The following ZBTB20 variants were observed in gnomAD, a reference collection of about 807,000 sequenced individuals.
ZBTB20 encodes the protein zinc finger and BTB domain-containing protein 20.
ZBTB20 carries 9 observed loss-of-function variants against 56.9 expected under a neutral mutation model. The observed-to-expected ratio is 0.16, with a 90% CI of 0.10 to 0.28. The LOEUF is 0.28. Ranked by LOEUF, ZBTB20 falls within the 10% of genes least tolerant of loss-of-function variation. The probability of loss-of-function intolerance (pLI) is 1.00; values close to 1 mark genes in which losing one functional copy is unlikely to be tolerated. For missense variants in ZBTB20, 655 were observed against 1,003.0 expected, an observed-to-expected ratio of 0.65 and a Z score of 4.69; for synonymous variants, 417 against 420.7, an observed-to-expected ratio of 0.99 and a Z score of 0.11.
At chr3:115,112,277 C>T (rs1047821456) in intron 1 of ZBTB20, among the ~76,000 whole-genome samples, 4 of 151,900 alleles carry the variant, frequency 2.6e-5, no homozygotes, top group African/African-American at 9.7e-5. Flanking sequence ...TTTAGGTTAT[C>T]CATCACCCTG....
At chr3:114,779,472 G>A (rs1398050310) in intron 5 of ZBTB20, among the ~76,000 whole-genome samples, 1 of 152,126 alleles carries the variant, frequency 6.6e-6, no homozygotes, top group African/African-American at 2.4e-5. Context: ...AGAACTCACG[G>A]CACCGAAGAA....
chr3:114,787,890 C>T (rs1283201008), intron 5 of ZBTB20, among the ~76,000 whole-genome samples: 1 of 152,082 alleles, frequency 6.6e-6, no homozygotes, highest in African/African-American at 2.4e-5. Flanking sequence ...CATTAGTTGA[C>T]CAAAATGAGA....
chr3:115,111,197 A>C (rs1368613627), intron 1 of ZBTB20, among the ~76,000 whole-genome samples: 2 of 152,044 alleles, frequency 1.3e-5, no homozygotes, highest in Non-Finnish European at 2.9e-5. Flanking sequence ...AACACAAATA[A>C]TACTCCCAAC....
chr3:114,601,421 C>T (rs148966467), intron 6 of ZBTB20, among the ~76,000 whole-genome samples: 14 of 152,186 alleles, frequency 9.2e-5, no homozygotes, highest in African/African-American at 3.1e-4. Context: ...CTACTCAAAA[C>T]TATCTCTATT....
At chr3:114,978,039 A>C (rs999521363) in intron 2 of ZBTB20, among the ~76,000 whole-genome samples, 14 of 151,072 alleles carry the variant, frequency 9.3e-5, no homozygotes, top group African/African-American at 3.4e-4. Flanking sequence ...AGTGTAAGGC[A>C]GAAAACATCT....
chr3:114,625,287 A>G (rs1244105694), intron 6 of ZBTB20, among the ~76,000 whole-genome samples: 2 of 152,140 alleles, frequency 1.3e-5, no homozygotes, highest in Non-Finnish European at 2.9e-5. Flanking sequence ...ACAGTCAGAA[A>G]AAGAGGGCAC....
At chr3:115,083,494 C>A (rs535582386) in intron 1 of ZBTB20, among the ~76,000 whole-genome samples, 4 of 151,872 alleles carry the variant, frequency 2.6e-5, no homozygotes, top group Admixed American at 2.0e-4. Context: ...ATTACAATAC[C>A]TATGTTTGTA....
At chr3:114,961,253 G>A (rs1392865594) in intron 3 of ZBTB20, among the ~76,000 whole-genome samples, 1 of 151,214 alleles carries the variant, frequency 6.6e-6, no homozygotes, top group Non-Finnish European at 1.5e-5. Context: ...ATAAGCCCAG[G>A]AAAAGGATCT....
In ZBTB20 at chr3:114,625,173, G is replaced by A. The variant is rs545388539; in HGVS notation, c.-295+68355C>T. ...AAATACTGCAGGTCAAAATGAAAGC[G>A]CCTCATCAGCTCTGGGGTGAAGATT... On this transcript the variant is annotated intron_variant, in intron 6 of 11. Coordinates refer to ENST00000675478, the MANE Select transcript of ZBTB20 (RefSeq NM_001348800.3). 1.3e-4 allele frequency among the ~76,000 whole-genome samples: 19 copies of A among 151,962 alleles called. 1 individual carries two copies. In the South Asian group the frequency reaches 1.7e-3, roughly 13 times the overall value.
At chr3:115,076,254 T>A (rs1439940940) in intron 1 of ZBTB20, among the ~76,000 whole-genome samples, 1 of 152,188 alleles carries the variant, frequency 6.6e-6, no homozygotes, top group Non-Finnish European at 1.5e-5. Flanking sequence ...GCCAAATCGA[T>A]CTTGAGAAAG....
rs993386510 is a variant in ZBTB20 at position 114,332,281 on chromosome 3, C to T, written c.*6724G>A. On this transcript the variant is annotated 3_prime_UTR_variant, in exon 12 of 12. Transcript: ENST00000675478. Reference sequence around the variant, plus strand: ...GACTTGAAAGTTATGAGTTTGCATTCAAACAAAGAACCACCAGATAAAACA... The same window carrying T: ...GACTTGAAAGTTATGAGTTTGCATTTAAACAAAGAACCACCAGATAAAACA... The T allele has an allele frequency of 1.2e-4, 18 of 151,968 alleles. No individual in the cohort carries two copies. Among genetic ancestry groups the T allele is most frequent in the African/African-American group, 3.9e-4 (16 of 41,354 alleles). The allele number at this position is 151,968 out of a possible 1,614,324, so 9.4% of individuals were successfully genotyped here.
intron 5 of ZBTB20, among the ~76,000 whole-genome samples, chr3:114,799,810 A>T (rs1489609714): frequency 6.6e-6 from 1 of 151,932 alleles, no homozygotes; most frequent in Non-Finnish European, 1.5e-5. Flanking sequence ...ATGCAATCAC[A>T]GTAAGGTAAC....
chr3:114,549,591 A>C (rs1408721801), intron 6 of ZBTB20, among the ~76,000 whole-genome samples: 1 of 152,116 alleles, frequency 6.6e-6, no homozygotes, highest in Non-Finnish European at 1.5e-5. Context: ...TTTCCACCAA[A>C]CTATATAAGT....
intron 6 of ZBTB20, among the ~76,000 whole-genome samples, chr3:114,612,085 CTCT>C (rs2057603344): frequency 6.6e-6 from 1 of 152,186 alleles, no homozygotes; most frequent in Non-Finnish European, 1.5e-5. Context: ...CTCCCTACTT[CTCT>C]GTTTTCCCAT....
intron 10 of ZBTB20, among the ~76,000 whole-genome samples, chr3:114,377,711 C>T (rs771839355): frequency 5.3e-5 from 8 of 152,110 alleles, no homozygotes; most frequent in Non-Finnish European, 8.8e-5. Context: ...AATGCTCTCA[C>T]AATGAGAGCA....
intron 2 of ZBTB20, among the ~76,000 whole-genome samples, chr3:114,984,656 T>G (rs1400698697): frequency 6.6e-6 from 1 of 152,086 alleles, no homozygotes; most frequent in Non-Finnish European, 1.5e-5. Context: ...GCCTTCTCTT[T>G]CATTGAACAA....
chr3:114,911,179 T>C (rs1560389416), intron 3 of ZBTB20, among the ~76,000 whole-genome samples: 1 of 151,814 alleles, frequency 6.6e-6, no homozygotes, highest in Non-Finnish European at 1.5e-5. Flanking sequence ...TTGTGAACAC[T>C]AGTGACACCC....
At chr3:114,827,026 G>A (rs2073566054) in intron 4 of ZBTB20, among the ~76,000 whole-genome samples, 1 of 151,596 alleles carries the variant, frequency 6.6e-6, no homozygotes, top group Middle Eastern at 3.2e-3. Flanking sequence ...TAAAGTGGGA[G>A]GATTTAGATC....
At chr3:114,367,987 G>A (rs1022345568) in intron 10 of ZBTB20, among the ~76,000 whole-genome samples, 1 of 152,086 alleles carries the variant, frequency 6.6e-6, no homozygotes, top group African/African-American at 2.4e-5. Context: ...GAAAGGATGG[G>A]GACCTGCAAC....
Sources: gnomAD v4.1 joint callset for allele counts (sites outside exome capture counted in the v4.1 genomes callset) on GRCh38, gnomAD v4.1.1 for gene constraint, MANE v1.5 for transcripts, NCBI Gene and HGNC (gene_info 2026-07-23, HGNC 2026-07-21) for gene names.